The following PTPRM variants were observed in gnomAD, a reference collection of about 807,000 sequenced individuals.
PTPRM encodes the protein protein tyrosine phosphatase receptor type M, also known as receptor-type tyrosine-protein phosphatase mu.
A neutral mutation model predicts 186.7 loss-of-function variants in PTPRM; 47 were observed. The observed-to-expected ratio is 0.25, with a 90% confidence interval of 0.20 to 0.32. The LOEUF (loss-of-function observed/expected upper bound fraction) is 0.32. Among genes scored for constraint, PTPRM ranks in the 10% least tolerant of loss-of-function variants. PTPRM has a pLI of 1.00. For missense variants in PTPRM, 1,494 were observed against 1,865.0 expected (o/e 0.80, Z 3.66); for synonymous variants, 668 against 674.9 (o/e 0.99, Z 0.16).
At chr18:8,145,144 G>C (rs2092852209) in intron 14 of PTPRM, among the ~76,000 whole-genome samples, 2 of 152,184 alleles carry the variant, frequency 1.3e-5, no homozygotes, top group Admixed American at 6.5e-5. Context: ...TTTAGAAACA[G>C]TTAAGAGTTA....
intron 14 of PTPRM, among the ~76,000 whole-genome samples, chr18:8,215,409 T>G (rs1054552529): frequency 6.6e-6 from 1 of 152,088 alleles, no homozygotes; most frequent in African/African-American, 2.4e-5. Context: ...AATATGCCTA[T>G]TTTCCCATGT....
chr18:8,158,116 A>G (rs1409076026), intron 14 of PTPRM, among the ~76,000 whole-genome samples: 1 of 152,138 alleles, frequency 6.6e-6, no homozygotes, highest in African/African-American at 2.4e-5. Context: ...ATGCCTGGTA[A>G]CTCCACTCAT....
At chr18:8,244,235 T>C (rs764546081) in intron 15 of PTPRM, 26 bp downstream of exon 15, 22 of 1,496,048 alleles carry the variant, frequency 1.5e-5, no homozygotes, top group Non-Finnish European at 1.6e-5. Flanking sequence ...TCTTGGCTTC[T>C]AACACATCTC....
chr18:7,979,598 C>T lies in PTPRM; in HGVS notation c.1132+24184C>T, dbSNP rs189170533. On this transcript the variant is annotated intron_variant, in intron 7 of 32. Coordinates refer to ENST00000580170, the MANE Select transcript of PTPRM (RefSeq NM_001105244.2). ...GTGCAGAGCTCATAATATGTATTTG[C>T]ATTACATATTTTTTTCCAGGAGTTT... Among the ~76,000 whole-genome samples, 73 of 152,204 alleles carry T rather than the reference C, an allele frequency of 4.8e-4. 1 individual carries two copies. Among genetic ancestry groups the T allele is most frequent in the Middle Eastern group, 3.4e-3 (1 of 294 alleles).
intron 31 of PTPRM, among the ~76,000 whole-genome samples, chr18:8,393,909 C>G (rs2095831648): frequency 6.6e-6 from 1 of 152,182 alleles, no homozygotes; most frequent in Non-Finnish European, 1.5e-5. Context: ...CTGCCTCAGC[C>G]TCCCGAGTAG....
chr18:8,120,262 A>C (rs1160827579), intron 13 of PTPRM, among the ~76,000 whole-genome samples: 1 of 152,166 alleles, frequency 6.6e-6, no homozygotes, highest in African/African-American at 2.4e-5. Flanking sequence ...AATAGTTACA[A>C]ATAAACACTT....
intron 7 of PTPRM, among the ~76,000 whole-genome samples, chr18:8,000,643 A>G (rs1168457943): frequency 2.6e-5 from 4 of 152,228 alleles, no homozygotes; most frequent in African/African-American, 7.2e-5. Context: ...GTTCACGGAC[A>G]TTAGTCTAAA....
intron 19 of PTPRM, among the ~76,000 whole-genome samples, chr18:8,289,415 CATATATACGTATATATATGT>C (rs2094997403): frequency 7.5e-6 from 1 of 132,664 alleles, no homozygotes; most frequent in African/African-American, 2.9e-5. Flanking sequence ...TATATATACA[CATATATACGTATATATATGT>C]ATATATACGT....
intron 14 of PTPRM, among the ~76,000 whole-genome samples, chr18:8,243,670 A>G (rs1291767684): frequency 6.6e-6 from 1 of 152,210 alleles, no homozygotes; most frequent in African/African-American, 2.4e-5. Context: ...TTGACACTGT[A>G]TATGGTGATG....
At chr18:7,623,636 C>T (rs1233310700) in intron 1 of PTPRM, among the ~76,000 whole-genome samples, 1 of 152,094 alleles carries the variant, frequency 6.6e-6, no homozygotes, top group Non-Finnish European at 1.5e-5. Flanking sequence ...AGGCTCCTAA[C>T]AGTTTTTCAT....
chr18:8,267,324 G>A (rs2094713825), intron 19 of PTPRM, among the ~76,000 whole-genome samples: 1 of 151,956 alleles, frequency 6.6e-6, no homozygotes, highest in Non-Finnish European at 1.5e-5. Flanking sequence ...ATGAAAAATA[G>A]TTGTAAGAGT....
rs2092818167 is a variant in PTPRM, at chr18:8,143,795, T to C, written c.2300+16T>C. ...TGAAGAAAAGGTGAGCTCCTAGCTG[T>C]TGCCAAAGATACAGTTATATCCCAT... On this transcript the variant is annotated intron_variant, in intron 14 of 32. Transcript: ENST00000580170. 6.2e-7 allele frequency: 1 copy of C among 1,613,146 alleles called. No homozygotes were observed. Among genetic ancestry groups the C allele is most frequent in the Admixed American group, 1.7e-5 (1 of 60,004 alleles).
At chr18:8,104,604 A>G (rs1017591596) in intron 11 of PTPRM, among the ~76,000 whole-genome samples, 1 of 151,898 alleles carries the variant, frequency 6.6e-6, no homozygotes, top group Non-Finnish European at 1.5e-5. Context: ...GTGCCACCAC[A>G]CGCAGCTGAT....
intron 2 of PTPRM, among the ~76,000 whole-genome samples, chr18:7,858,716 A>G (rs2047206846): frequency 6.6e-6 from 1 of 152,260 alleles, no homozygotes; most frequent in South Asian, 2.1e-4. Flanking sequence ...TCTTGAAATA[A>G]TAAGAGCTAG....
At chr18:7,569,949 G>A (rs555941877) in intron 1 of PTPRM, among the ~76,000 whole-genome samples, 2 of 152,260 alleles carry the variant, frequency 1.3e-5, no homozygotes, top group East Asian at 1.9e-4. Flanking sequence ...CCTCAGAAAC[G>A]TTGAACTTTA....
At chr18:8,068,731 GC>G (rs1419875480) in intron 7 of PTPRM, among the ~76,000 whole-genome samples, 2 of 152,158 alleles carry the variant, frequency 1.3e-5, no homozygotes, top group African/African-American at 4.8e-5. Context: ...TAATTCTCAA[GC>G]TTTTACTCTT....
chr18:7,791,786 A>G (rs2043355367), intron 2 of PTPRM, among the ~76,000 whole-genome samples: 2 of 152,236 alleles, frequency 1.3e-5, no homozygotes, highest in South Asian at 2.1e-4. Context: ...TTTTTGTTCT[A>G]TAAAGGAGTG....
rs749263983 is a variant in PTPRM, at chr18:8,143,738, C to A, written c.2259C>A (p.Phe753Leu). Residue 753 changes from phenylalanine to leucine, a missense_variant, in exon 14 of 33, where the codon TTC becomes TTA. Transcript: ENST00000580170. ...GAGTCATCGCGGGCATCTTGCTGTT[C>A]GTGATTATATTTCTTGGAGTTGTGT... ...IAGVIAGILL[F>L]VIIFLGVVLV... 6.2e-7 allele frequency: 1 copy of A among 1,613,936 alleles called. No homozygotes were observed. Among genetic ancestry groups the A allele is most frequent in the Non-Finnish European group, 8.5e-7 (1 of 1,179,908 alleles).
At chr18:7,792,970 A>G (rs1201884225) in intron 2 of PTPRM, among the ~76,000 whole-genome samples, 2 of 152,132 alleles carry the variant, frequency 1.3e-5, no homozygotes, top group Non-Finnish European at 2.9e-5. Flanking sequence ...AATTTTTTTA[A>G]ATTTTATTAC....
Sources: allele counts gnomAD v4.1 joint callset (sites outside exome capture counted in the v4.1 genomes callset), GRCh38; gene constraint gnomAD v4.1.1; transcripts MANE v1.5; gene names NCBI Gene and HGNC (gene_info 2026-07-23, HGNC 2026-07-21).